DLG2: variants seen among roughly 807,000 people sequenced by gnomAD.
DLG2 encodes disks large homolog 2.
Under a neutral mutation model 132.5 loss-of-function variants are expected in DLG2, and 45 were observed. The observed-to-expected ratio is 0.34, with a 90% confidence interval of 0.27 to 0.44. The LOEUF (loss-of-function observed/expected upper bound fraction) is 0.44, where lower values mean the gene tolerates loss of function less well. Ranked by LOEUF, DLG2 falls within the 20% of genes least tolerant of loss-of-function variation. DLG2 has a pLI of 1.00. For missense variants in DLG2, 1,045 were observed against 1,196.9 expected, an observed-to-expected ratio of 0.87 and a Z score of 1.87; for synonymous variants, 424 against 419.6, an observed-to-expected ratio of 1.01 and a Z score of -0.13.
chr11:85,206,938 C>G (rs919894002), intron 4 of DLG2, among the ~76,000 whole-genome samples: 5 of 152,086 alleles, frequency 3.3e-5, no homozygotes, highest in African/African-American at 1.2e-4. Context: ...TATGTAACTT[C>G]AATTTCCTCT....
At chr11:84,246,262 T>C (rs1354099557) in intron 8 of DLG2, among the ~76,000 whole-genome samples, 1 of 152,244 alleles carries the variant, frequency 6.6e-6, no homozygotes, top group Non-Finnish European at 1.5e-5. Flanking sequence ...TTCTGAGTAG[T>C]ATGATGAAAT....
intron 15 of DLG2, among the ~76,000 whole-genome samples, chr11:83,897,972 A>T (rs551806544): frequency 6.6e-6 from 1 of 152,282 alleles, no homozygotes; most frequent in South Asian, 2.1e-4. Flanking sequence ...TGTCTCCTCT[A>T]GTCACAAAAA....
chr11:84,683,433 A>C (rs969861494), intron 6 of DLG2, among the ~76,000 whole-genome samples: 3 of 152,198 alleles, frequency 2.0e-5, no homozygotes, highest in African/African-American at 7.2e-5. Flanking sequence ...TTGGGAGAAA[A>C]GCTTAACAAT....
intron 6 of DLG2, among the ~76,000 whole-genome samples, chr11:84,809,558 A>G (rs1388995051): frequency 6.6e-6 from 1 of 151,936 alleles, no homozygotes; most frequent in African/African-American, 2.4e-5. Context: ...ATCTTCTAGA[A>G]CCAATAAATA....
chr11:83,776,040 A>C lies in DLG2; in HGVS notation c.1825+10650T>G, dbSNP rs544234220. Among the ~76,000 whole-genome samples, 58 of 152,226 alleles carry C rather than the reference A, an allele frequency of 3.8e-4. No homozygotes were observed. The South Asian group carries it at 6.2e-3, about 16-fold the overall frequency. On this transcript the variant is annotated intron_variant, in intron 18 of 27. Transcript: ENST00000376104. ...CCAGGAGGTGGAGCTTGCAGTGAGCAGAGATTGTGCCACTGCACTCCAGCC... is the reference window on the plus strand; with the variant it reads ...CCAGGAGGTGGAGCTTGCAGTGAGCCGAGATTGTGCCACTGCACTCCAGCC...
chr11:84,312,008 C>A (rs1443947200), intron 7 of DLG2, among the ~76,000 whole-genome samples: 3 of 152,122 alleles, frequency 2.0e-5, no homozygotes, highest in Non-Finnish European at 2.9e-5. Context: ...TCTTCCCAAT[C>A]AAAAAATGTA....
intron 6 of DLG2, among the ~76,000 whole-genome samples, chr11:84,907,355 T>C (rs1591055295): frequency 1.3e-5 from 2 of 152,314 alleles, no homozygotes; most frequent in East Asian, 3.9e-4. Context: ...GGGTTTTGTT[T>C]ACTATTTTAA....
At chr11:84,541,005 C>T (rs1250584267) in intron 6 of DLG2, among the ~76,000 whole-genome samples, 4 of 151,984 alleles carry the variant, frequency 2.6e-5, no homozygotes. Context: ...AACACTTGGA[C>T]ACAGGGTGGG....
At chr11:85,603,433 G>A (rs940419675) in intron 2 of DLG2, among the ~76,000 whole-genome samples, 2 of 151,930 alleles carry the variant, frequency 1.3e-5, no homozygotes, top group African/African-American at 4.8e-5. Context: ...ATTACCTCTA[G>A]TGCCCAAAGC....
At chr11:83,551,873 C>G (rs1027926272) in intron 19 of DLG2, among the ~76,000 whole-genome samples, 1 of 152,110 alleles carries the variant, frequency 6.6e-6, no homozygotes, top group Admixed American at 6.6e-5. Context: ...GTGCCAGGCA[C>G]TCTATAGTTT....
chr11:84,378,000 T>C (rs947842795), intron 7 of DLG2, among the ~76,000 whole-genome samples: 1 of 152,112 alleles, frequency 6.6e-6, no homozygotes, highest in African/African-American at 2.4e-5. Flanking sequence ...AAAGCCCAAA[T>C]CCTCATTCTA....
chr11:85,453,904 G>A (rs1274941222), intron 3 of DLG2, among the ~76,000 whole-genome samples: 1 of 152,012 alleles, frequency 6.6e-6, no homozygotes, highest in Admixed American at 6.6e-5. Context: ...TACCCAATAG[G>A]TATTTTTTTA....
intron 17 of DLG2, among the ~76,000 whole-genome samples, chr11:83,832,394 C>T (rs990368452): frequency 2.6e-5 from 4 of 152,262 alleles, no homozygotes; most frequent in East Asian, 1.9e-4. Flanking sequence ...ACTTTTTCTA[C>T]GTCAATCTCA....
chr11:84,170,829 A>C (rs1317985972), intron 8 of DLG2, among the ~76,000 whole-genome samples: 1 of 152,078 alleles, frequency 6.6e-6, no homozygotes, highest in African/African-American at 2.4e-5. Context: ...CCCAGCTCTG[A>C]CCTAGCAACA....
intron 14 of DLG2, among the ~76,000 whole-genome samples, chr11:83,952,341 T>C: frequency 6.6e-6 from 1 of 151,710 alleles, no homozygotes; most frequent in Non-Finnish European, 1.5e-5. Context: ...AGTGAGACCC[T>C]GCCTCAAAAA....
intron 6 of DLG2, among the ~76,000 whole-genome samples, chr11:85,080,002 AG>A (rs1178916329): frequency 1.3e-5 from 2 of 152,114 alleles, no homozygotes; most frequent in African/African-American, 2.4e-5. Context: ...ACGGATGGAA[AG>A]GGGCCATGTA....
chr11:83,465,151 G>A (rs191812684), intron 26 of DLG2, among the ~76,000 whole-genome samples: 2 of 152,240 alleles, frequency 1.3e-5, no homozygotes, highest in Admixed American at 1.3e-4. Flanking sequence ...AATTCATGGG[G>A]CTGAAGGTAC....
At chr11:85,407,265 C>T (rs959707214) in intron 3 of DLG2, among the ~76,000 whole-genome samples, 3 of 151,726 alleles carry the variant, frequency 2.0e-5, no homozygotes, top group African/African-American at 7.3e-5. Flanking sequence ...TAATCTTCTA[C>T]ATGTTAAAAG....
At chr11:85,511,150 C>T (rs1316791529) in intron 3 of DLG2, among the ~76,000 whole-genome samples, 1 of 151,948 alleles carries the variant, frequency 6.6e-6, no homozygotes, top group Non-Finnish European at 1.5e-5. Flanking sequence ...CATGTTCTCA[C>T]TCATAGATGG....
Sources: allele counts gnomAD v4.1 joint callset (sites outside exome capture counted in the v4.1 genomes callset), GRCh38; gene constraint gnomAD v4.1.1; transcripts MANE v1.5; gene names NCBI Gene and HGNC (gene_info 2026-07-23, HGNC 2026-07-21).